Variants in SNTG1 observed in about 807,000 individuals in gnomAD.
The protein encoded by SNTG1 is syntrophin gamma 1, also known as gamma-1-syntrophin.
SNTG1 carries 39 observed loss-of-function variants against 74.7 expected under a neutral mutation model. The observed-to-expected ratio is 0.52, with a 90% CI of 0.40 to 0.68. The LOEUF (loss-of-function observed/expected upper bound fraction) is 0.68. Ranked by LOEUF, SNTG1 falls within the 30% of genes least tolerant of loss-of-function variation. SNTG1 has a pLI of 0.00. For synonymous variants in SNTG1, 254 were observed against 217.1 expected, an observed-to-expected ratio of 1.17 and a Z score of -1.49; for missense variants, 685 against 609.5, an observed-to-expected ratio of 1.12 and a Z score of -1.30.
intron 18 of SNTG1, among the ~76,000 whole-genome samples, chr8:50,768,404 A>G (rs1243910291): frequency 6.6e-6 from 1 of 152,010 alleles, no homozygotes; most frequent in African/African-American, 2.4e-5. Flanking sequence ...TTGGATGCTC[A>G]GTTTTTCAAA....
intron 1 of SNTG1, among the ~76,000 whole-genome samples, chr8:49,935,466 G>T (rs1357380246): frequency 7.0e-6 from 1 of 143,610 alleles, no homozygotes; most frequent in Non-Finnish European, 1.5e-5. Flanking sequence ...TTTTACAAAT[G>T]GGAAATGCTG....
At chr8:50,476,637 A>C (rs2093698663) in intron 8 of SNTG1, among the ~76,000 whole-genome samples, 1 of 152,190 alleles carries the variant, frequency 6.6e-6, no homozygotes, top group South Asian at 2.1e-4. Context: ...GTCATTGCAC[A>C]TAGAAACATT....
chr8:50,302,568 T>C (rs1325539172), intron 2 of SNTG1, among the ~76,000 whole-genome samples: 2 of 152,176 alleles, frequency 1.3e-5, no homozygotes, highest in East Asian at 3.9e-4. Context: ...TTTTCTTGAA[T>C]AAATGACTTT....
At chr8:49,996,890 G>T (rs1400337749) in intron 1 of SNTG1, among the ~76,000 whole-genome samples, 3 of 152,160 alleles carry the variant, frequency 2.0e-5, no homozygotes, top group Middle Eastern at 3.4e-3. Flanking sequence ...AATTATAATT[G>T]CATAGCCAAA....
intron 2 of SNTG1, among the ~76,000 whole-genome samples, chr8:50,310,217 A>C (rs988231606): frequency 1.3e-5 from 2 of 152,276 alleles, no homozygotes; most frequent in Non-Finnish European, 2.9e-5. Flanking sequence ...CAAACTTGTT[A>C]CCTGGATTAT....
At chr8:50,564,477 G>A (rs6992401) in intron 12 of SNTG1, among the ~76,000 whole-genome samples, 131,147 of 152,102 alleles carry the variant, frequency 0.86, 56,730 homozygotes, top group East Asian at 0.94. Context: ...TAGTTATTTT[G>A]CATTTAAACT....
chr8:50,745,070 T>A (rs183191220), intron 17 of SNTG1, among the ~76,000 whole-genome samples: 1 of 152,130 alleles, frequency 6.6e-6, no homozygotes, highest in East Asian at 1.9e-4. Context: ...TTAAAGCGAA[T>A]GACTTTTGTA....
intron 3 of SNTG1, among the ~76,000 whole-genome samples, chr8:50,401,822 A>T (rs1197361727): frequency 6.6e-6 from 1 of 152,226 alleles, no homozygotes; most frequent in Non-Finnish European, 1.5e-5. Context: ...TATTAAAAAT[A>T]CATGAATTGT....
chr8:50,323,755 A>G (rs1402048654), intron 2 of SNTG1, among the ~76,000 whole-genome samples: 1 of 152,194 alleles, frequency 6.6e-6, no homozygotes, highest in East Asian at 1.9e-4. Flanking sequence ...CCAGCACAGT[A>G]CTTAGCCTTA....
intron 15 of SNTG1, among the ~76,000 whole-genome samples, chr8:50,668,495 CATTATTATT>C (rs67860057): frequency 0.01 from 1,509 of 145,284 alleles, 20 homozygotes; most frequent in African/African-American, 0.024. Flanking sequence ...ATCTTTCGCA[CATTATTATT>C]ATTATTATTA....
At chr8:49,961,782 T>C (rs1481114902) in intron 1 of SNTG1, among the ~76,000 whole-genome samples, 1 of 152,180 alleles carries the variant, frequency 6.6e-6, no homozygotes, top group Non-Finnish European at 1.5e-5. Flanking sequence ...ATTTACCTCG[T>C]AAATTTGGAA....
At chr8:50,189,211 T>C (rs1024149370) in intron 2 of SNTG1, among the ~76,000 whole-genome samples, 2 of 152,214 alleles carry the variant, frequency 1.3e-5, no homozygotes, top group African/African-American at 4.8e-5. Context: ...AGAGGTATTA[T>C]GAATTTAAGG....
chr8:50,519,315 G>A (rs188385238), intron 9 of SNTG1, among the ~76,000 whole-genome samples: 70 of 152,168 alleles, frequency 4.6e-4, no homozygotes, highest in African/African-American at 1.6e-3. Flanking sequence ...AAAATAACCA[G>A]AGCTATTTAT....
intron 1 of SNTG1, among the ~76,000 whole-genome samples, chr8:50,161,416 C>T (rs540825099): frequency 8.0e-4 from 122 of 152,264 alleles, no homozygotes; most frequent in African/African-American, 2.8e-3. Flanking sequence ...AGGAAGAAAT[C>T]AAATACGAAG....
intron 1 of SNTG1, among the ~76,000 whole-genome samples, chr8:50,154,219 C>A (rs896020345): frequency 1.3e-5 from 2 of 152,216 alleles, no homozygotes; most frequent in East Asian, 3.9e-4. Flanking sequence ...GGGTGTGGGA[C>A]CCCCCAAGCC....
At chr8:50,658,354 G>A (rs1032780528) in intron 14 of SNTG1, among the ~76,000 whole-genome samples, 1 of 152,118 alleles carries the variant, frequency 6.6e-6, no homozygotes, top group South Asian at 2.1e-4. Flanking sequence ...CTGGGCAAAT[G>A]AGAACTGTTG....
At chr8:50,253,292 G>A (rs529811073) in intron 2 of SNTG1, among the ~76,000 whole-genome samples, 3 of 151,936 alleles carry the variant, frequency 2.0e-5, no homozygotes, top group African/African-American at 7.3e-5. Context: ...GCGTGGTGGC[G>A]GGCACCTGTA....
intron 15 of SNTG1, among the ~76,000 whole-genome samples, chr8:50,659,245 A>G (rs1176236066): frequency 6.6e-6 from 1 of 152,174 alleles, no homozygotes; most frequent in African/African-American, 2.4e-5. Flanking sequence ...ATTCTATAAA[A>G]TGTCACATGG....
At chr8:49,927,369 T>C (rs1807121632) in intron 1 of SNTG1, among the ~76,000 whole-genome samples, 1 of 152,192 alleles carries the variant, frequency 6.6e-6, no homozygotes. Flanking sequence ...AGTAAATGAA[T>C]GAATACATAA....
Sources: allele counts gnomAD v4.1 joint callset (sites outside exome capture counted in the v4.1 genomes callset), GRCh38; gene constraint gnomAD v4.1.1; transcripts MANE v1.5; gene names NCBI Gene and HGNC (gene_info 2026-07-23, HGNC 2026-07-21).